The following GRIN2A variants were observed in gnomAD, a reference collection of about 807,000 sequenced individuals.
The protein encoded by GRIN2A is glutamate ionotropic receptor NMDA type subunit 2A.
Under a neutral mutation model 113.4 loss-of-function variants are expected in GRIN2A, and 22 were observed. The observed-to-expected ratio is 0.19, with a 90% CI of 0.14 to 0.28. GRIN2A has a LOEUF of 0.28. GRIN2A is among the 10% of genes least tolerant of loss of function. The pLI is 1.00. For synonymous variants in GRIN2A, 827 were observed against 738.4 expected (o/e 1.12, Z -1.94); for missense variants, 1,502 against 1,887.0 (o/e 0.80, Z 3.78).
At chr16:10,106,188 T>G (rs945976320) in intron 2 of GRIN2A, among the ~76,000 whole-genome samples, 5 of 58,026 alleles carry the variant, frequency 8.6e-5, no homozygotes. Flanking sequence ...AGTGAAAGAG[T>G]TTTTTTTTTT....
rs899913385 is a variant in GRIN2A at position 9,761,037 on chromosome 16, C to G, written c.*2112G>C. ...CATCCGGGAAATAAAATGTCATTTTCAAGCACATGCATCCCCAGCACCTAG... is the reference window on the plus strand; with the variant it reads ...CATCCGGGAAATAAAATGTCATTTTGAAGCACATGCATCCCCAGCACCTAG... On this transcript the variant is annotated 3_prime_UTR_variant, in exon 13 of 13. Transcript: ENST00000330684. 8.6e-6 allele frequency: 2 copies of G among 232,758 alleles called. No individual in the cohort carries two copies. The highest frequency in any genetic ancestry group is 1.7e-5 in the Non-Finnish European group (2 of 117,850). The allele number at this position is 232,758 out of a possible 1,614,324, so 14.4% of individuals were successfully genotyped here.
At chr16:10,073,731 G>A (rs1169456581) in intron 2 of GRIN2A, among the ~76,000 whole-genome samples, 2 of 149,604 alleles carry the variant, frequency 1.3e-5, no homozygotes, top group Admixed American at 6.6e-5. Context: ...TGGTGAAACC[G>A]CATCTCTACT....
intron 3 of GRIN2A, among the ~76,000 whole-genome samples, chr16:9,899,998 A>T (rs1332613949): frequency 6.6e-6 from 1 of 152,190 alleles, no homozygotes; most frequent in Admixed American, 6.5e-5. Flanking sequence ...CATAACAGCC[A>T]TGTCACTGGG....
At chr16:9,847,547 A>G (rs563361986) in intron 5 of GRIN2A, among the ~76,000 whole-genome samples, 41 of 152,136 alleles carry the variant, frequency 2.7e-4, no homozygotes, top group African/African-American at 9.9e-4. Context: ...CCTGGGGGAC[A>G]GAGCAAGACC....
intron 4 of GRIN2A, among the ~76,000 whole-genome samples, chr16:9,857,143 T>C (rs1206513405): frequency 4.6e-5 from 7 of 151,980 alleles, no homozygotes; most frequent in Non-Finnish European, 5.9e-5. Context: ...CAAAGGTCAT[T>C]AAAAAACAAG....
rs184693961 is a variant in GRIN2A at position 10,087,127 on chromosome 16, C to T, written c.414+92871G>A. ...GACCAAGTCCATGCAAATCTTGAAC[C>T]TCTCACTTAATAAATACACAGCACT... On this transcript the variant is annotated intron_variant, in intron 2 of 12. Coordinates refer to ENST00000330684, the MANE Select transcript of GRIN2A (RefSeq NM_001134407.3). Among the ~76,000 whole-genome samples the T allele has an allele frequency of 1.6e-3, 240 of 152,316 alleles. 1 individual carries two copies. Among genetic ancestry groups the T allele is most frequent in the African/African-American group, 5.4e-3 (223 of 41,572 alleles).
At position 9,963,392 on chromosome 16, in the gene GRIN2A, C is replaced by T. The variant is rs55770335; in HGVS notation, c.415-24841G>A. 1.6e-3 allele frequency among the ~76,000 whole-genome samples: 247 copies of T among 152,112 alleles called. 1 individual carries two copies. Among genetic ancestry groups the T allele is most frequent in the Non-Finnish European group, 3.0e-3 (201 of 67,998 alleles). On this transcript the variant is annotated intron_variant, in intron 2 of 12. Coordinates refer to ENST00000330684, the MANE Select transcript of GRIN2A (RefSeq NM_001134407.3). ...AATCTGTCATCTATATTTTAAGCCCCGCATGCATTAGGTATTTGTCCTAAT... is the reference window on the plus strand; with the variant it reads ...AATCTGTCATCTATATTTTAAGCCCTGCATGCATTAGGTATTTGTCCTAAT...
rs575253500 is a variant in GRIN2A, at chr16:10,168,636, C to A, written c.414+11362G>T. ...TCTGTTAGAGACCTAATTGCCGAAG[C>A]TTATTCCTCATATCAAGATGAAACT... is the stretch of plus-strand genomic sequence containing the variant. On this transcript the variant is annotated intron_variant, in intron 2 of 12. Transcript: ENST00000330684. Among the ~76,000 whole-genome samples, 27 of 152,264 alleles carry A rather than the reference C, an allele frequency of 1.8e-4. No homozygotes were observed. The South Asian group carries it at 5.4e-3, about 30-fold the overall frequency.
intron 2 of GRIN2A, among the ~76,000 whole-genome samples, chr16:10,143,693 G>A (rs1027590625): frequency 2.6e-5 from 4 of 152,128 alleles, no homozygotes; most frequent in East Asian, 1.9e-4. Flanking sequence ...GGCAGGGTGC[G>A]ATGGCTCATG....
chr16:9,820,095 C>A (rs1168984902), intron 10 of GRIN2A, among the ~76,000 whole-genome samples: 2 of 151,994 alleles, frequency 1.3e-5, no homozygotes, highest in African/African-American at 4.8e-5. Flanking sequence ...CTTCCAGAAA[C>A]CAATTTGTAC....
At chr16:9,767,048 G>A (rs891242587) in intron 12 of GRIN2A, among the ~76,000 whole-genome samples, 20 of 152,250 alleles carry the variant, frequency 1.3e-4, no homozygotes, top group Admixed American at 9.2e-4. Flanking sequence ...GCAACAGTGT[G>A]CATTTGTTTG....
chr16:9,763,910 TGGA>T lies in GRIN2A; in HGVS notation c.3631_3633del (p.Ser1211del), dbSNP rs769008155. 2 of 1,614,120 alleles carry T rather than the reference TGGA, an allele frequency of 1.2e-6. No homozygotes were observed. The highest frequency in any genetic ancestry group is 1.7e-6 in the Non-Finnish European group (2 of 1,179,988). On this transcript the variant is annotated inframe_deletion, in exon 13 of 13. Coordinates refer to ENST00000330684, the MANE Select transcript of GRIN2A (RefSeq NM_001134407.3). Reference sequence around the variant, plus strand: ...TTGGAAAGGCAGCTTCTGCAGTGCGTGGAGTTCTGCCGGTATCGCTCGCTGGTC... The same window carrying T: ...TTGGAAAGGCAGCTTCTGCAGTGCGTGTTCTGCCGGTATCGCTCGCTGGTC...
At chr16:9,979,785 C>A (rs2045852343) in intron 2 of GRIN2A, among the ~76,000 whole-genome samples, 2 of 122,348 alleles carry the variant, frequency 1.6e-5, no homozygotes, top group Non-Finnish European at 3.5e-5. Context: ...GACTATGGGA[C>A]TATATATATA....
intron 2 of GRIN2A, among the ~76,000 whole-genome samples, chr16:10,059,771 G>A (rs1028879252): frequency 6.6e-6 from 1 of 150,934 alleles, no homozygotes; most frequent in Admixed American, 6.6e-5. Context: ...TGAGAGGTAA[G>A]AGGTAAGTGA....
At chr16:10,094,812 G>C (rs1293979893) in intron 2 of GRIN2A, among the ~76,000 whole-genome samples, 1 of 150,400 alleles carries the variant, frequency 6.6e-6, no homozygotes, top group Non-Finnish European at 1.5e-5. Flanking sequence ...GCTGATTCCA[G>C]GGTTGAAGCA....
At chr16:10,085,724 G>A (rs1244055174) in intron 2 of GRIN2A, among the ~76,000 whole-genome samples, 1 of 152,170 alleles carries the variant, frequency 6.6e-6, no homozygotes, top group Non-Finnish European at 1.5e-5. Flanking sequence ...GCCAAATGAT[G>A]GTTAGCAAGG....
chr16:9,815,771 T>C (rs2042175092), intron 10 of GRIN2A, among the ~76,000 whole-genome samples: 1 of 152,200 alleles, frequency 6.6e-6, no homozygotes, highest in Admixed American at 6.5e-5. Context: ...CTTCTGCATA[T>C]ATACCAACAA....
chr16:9,802,849 A>T (rs971678848), intron 10 of GRIN2A, among the ~76,000 whole-genome samples: 3 of 152,140 alleles, frequency 2.0e-5, no homozygotes, highest in African/African-American at 7.2e-5. Flanking sequence ...ATTGTAATGT[A>T]GGGGGTCCCA....
intron 2 of GRIN2A, among the ~76,000 whole-genome samples, chr16:10,062,553 T>C (rs1296265409): frequency 6.6e-6 from 1 of 152,178 alleles, no homozygotes. Flanking sequence ...CACTAAAGTT[T>C]GAAAAACATT....
Sources: allele counts gnomAD v4.1 joint callset (sites outside exome capture counted in the v4.1 genomes callset), GRCh38; gene constraint gnomAD v4.1.1; transcripts MANE v1.5; gene names NCBI Gene and HGNC (gene_info 2026-07-23, HGNC 2026-07-21).